Variants in TAF4 observed in about 807,000 individuals in gnomAD.
TAF4 encodes the protein TATA-box binding protein associated factor 4.
TAF4 carries 9 observed loss-of-function variants against 90.3 expected under a neutral mutation model. The ratio of observed to expected loss-of-function variants is 0.10; its 90% CI spans 0.06 to 0.17. The LOEUF is 0.17. Ranked by LOEUF, TAF4 falls within the 10% of genes least tolerant of loss-of-function variation. The probability of loss-of-function intolerance (pLI) is 1.00; values close to 1 mark genes in which losing one functional copy is unlikely to be tolerated. For missense variants in TAF4, 1,351 were observed against 1,370.7 expected, an observed-to-expected ratio of 0.99 and a Z score of 0.23; for synonymous variants, 818 against 638.9, an observed-to-expected ratio of 1.28 and a Z score of -4.23.
chr20:62,004,323 C>CTT (rs1434356168), intron 7 of TAF4, among the ~76,000 whole-genome samples: 28 of 114,046 alleles, frequency 2.5e-4, no homozygotes, highest in African/African-American at 8.1e-4. Context: ...TTTTTCTTTT[C>CTT]TTTTCTTTTT....
Position 62,003,743 on chromosome 20 carries a change from G to C in TAF4, c.2359C>G (p.Pro787Ala). 1.3e-6 allele frequency: 2 copies of C among 1,599,106 alleles called. No homozygotes were observed. Among genetic ancestry groups the C allele is most frequent in the Non-Finnish European group, 1.7e-6 (2 of 1,176,276 alleles). ...GCGAGGCCCTCACCTGGCTGCAGTG[G>C]GTTCAGCTGGATCTGCTGAGGCGTG... The part of the protein sequence containing the change: ...LTTPQQIQLN[P>A]LQPVPVVKPA... Residue 787 changes from proline (P) to alanine (A), a missense_variant, in exon 8 of 15, where the codon CCA (proline) becomes GCA (alanine). This residue lies in a region of TAF4 where 202 missense variants were observed against 229.7 expected (regional missense o/e 0.88). Coordinates refer to ENST00000252996, the MANE Select transcript of TAF4 (RefSeq NM_003185.4).
chr20:62,050,603 G>A (rs1377533569), intron 1 of TAF4, among the ~76,000 whole-genome samples: 4 of 151,854 alleles, frequency 2.6e-5, no homozygotes, highest in African/African-American at 9.7e-5. Flanking sequence ...AAAGAGAAGA[G>A]AAGGACAAGA....
At position 62,065,461 on chromosome 20, in the gene TAF4, G is replaced by A. The variant is rs2056125089; in HGVS notation, c.350C>T (p.Ala117Val). Residue 117 changes from alanine to valine, a missense_variant, in exon 1 of 15, where the codon GCA (alanine) becomes GTA (valine). Transcript: ENST00000252996. ...PPSPRRPLVP[A>V]GPAPPAAKLR... ...CTTCGCGGCGGGCGGCGCGGGCCCT[G>A]CGGGGACAAGGGGGCGGCGCGGTGA... 2.0e-6 allele frequency: 2 copies of A among 976,526 alleles called. No homozygotes were observed. The highest frequency in any genetic ancestry group is 1.8e-5 in the African/African-American group (1 of 56,200). 60.5% of individuals were successfully genotyped at this position (976,526 alleles called of 1,614,324 possible). A position where few individuals can be genotyped will look rare whatever the true frequency, so the allele number is the denominator to read the frequency against.
At chr20:61,991,974 A>T (rs1175312206) in intron 14 of TAF4, among the ~76,000 whole-genome samples, 1 of 152,216 alleles carries the variant, frequency 6.6e-6, no homozygotes, top group Non-Finnish European at 1.5e-5. Context: ...CCAGAGTAAC[A>T]TCCTTAAGAC....
At chr20:62,033,737 CAAA>C (rs760557566) in intron 1 of TAF4, among the ~76,000 whole-genome samples, 19 of 64,582 alleles carry the variant, frequency 2.9e-4, no homozygotes, top group African/African-American at 8.4e-4. Context: ...GACTCCGTCT[CAAA>C]AAAAAAAAAA....
chr20:62,029,751 C>G (rs1369321626), intron 1 of TAF4, among the ~76,000 whole-genome samples: 2 of 152,064 alleles, frequency 1.3e-5, no homozygotes, highest in Admixed American at 6.5e-5. Flanking sequence ...ACTAAACATA[C>G]AAAAATTAGC....
rs964918555 is a variant in TAF4, at chr20:62,008,421, G to A, written c.1884+631C>T. 1.7e-4 allele frequency among the ~76,000 whole-genome samples: 26 copies of A among 152,110 alleles called. 1 individual carries two copies. Among genetic ancestry groups the A allele is most frequent in the South Asian group, 2.1e-4 (1 of 4,820 alleles). Reference sequence around the variant, plus strand: ...GAGGAAGGTGGACAGCCGAGAGCTCGGCCATGAGTGGAGATCTGGAGCTTG... The same window carrying A: ...GAGGAAGGTGGACAGCCGAGAGCTCAGCCATGAGTGGAGATCTGGAGCTTG... On this transcript the variant is annotated intron_variant, in intron 5 of 14. Transcript: ENST00000252996.
intron 3 of TAF4, among the ~76,000 whole-genome samples, chr20:62,011,705 G>A (rs1255314344): frequency 2.6e-5 from 4 of 152,162 alleles, no homozygotes; most frequent in Admixed American, 2.6e-4. Flanking sequence ...CTGGGGCTCA[G>A]CCTCCATTTC....
intron 14 of TAF4, among the ~76,000 whole-genome samples, chr20:61,990,836 C>T (rs184346871): frequency 1.8e-4 from 28 of 152,328 alleles, no homozygotes; most frequent in African/African-American, 5.8e-4. Context: ...CTTAACATCA[C>T]GGGAAAGTAA....
At chr20:61,982,317 AT>A (rs1445140583) in intron 14 of TAF4, among the ~76,000 whole-genome samples, 2 of 2,784 alleles carry the variant, frequency 7.2e-4, no homozygotes, top group Non-Finnish European at 1.6e-3. Context: ...CCCACACCCC[AT>A]CCGAGGAAAC....
At chr20:62,049,661 C>G (rs1382167376) in intron 1 of TAF4, among the ~76,000 whole-genome samples, 1 of 54,864 alleles carries the variant, frequency 1.8e-5, no homozygotes, top group Non-Finnish European at 4.3e-5. Context: ...GCCCCTCATC[C>G]ACCGTGCACC....
At position 61,991,778 on chromosome 20, in the gene TAF4, C is replaced by T. The variant is rs564367098; in HGVS notation, c.3090+5772G>A. On this transcript the variant is annotated intron_variant, in intron 14 of 14. Transcript: ENST00000252996. ...CAGATGTTCCTAAGGAGACTTGAAC[C>T]GCACTGAAAGAACACAGCCAGTACT... 4.1e-4 allele frequency among the ~76,000 whole-genome samples: 62 copies of T among 151,902 alleles called. 3 individuals are homozygous for T. Among genetic ancestry groups the T allele is most frequent in the South Asian group, 2.1e-4 (1 of 4,792 alleles).
At chr20:62,049,998 G>A (rs2056017352) in intron 1 of TAF4, among the ~76,000 whole-genome samples, 1 of 152,146 alleles carries the variant, frequency 6.6e-6, no homozygotes, top group Admixed American at 6.5e-5. Context: ...TGTCCCCAAG[G>A]CAGGGAGTCA....
chr20:62,035,323 A>C (rs2055926409), intron 1 of TAF4, among the ~76,000 whole-genome samples: 1 of 152,234 alleles, frequency 6.6e-6, no homozygotes, highest in Non-Finnish European at 1.5e-5. Context: ...TATGGAGCTA[A>C]ATTATTTAAG....
At chr20:62,048,812 G>A (rs558023643) in intron 1 of TAF4, among the ~76,000 whole-genome samples, 38 of 121,578 alleles carry the variant, frequency 3.1e-4, no homozygotes, top group Non-Finnish European at 4.9e-4. Context: ...ACCAAGCTCC[G>A]TACACCCCAA....
chr20:62,037,404 T>G (rs2055938295), intron 1 of TAF4: 1 of 152,402 alleles, frequency 6.6e-6, no homozygotes, highest in Non-Finnish European at 1.5e-5. Flanking sequence ...TTTTTTATTT[T>G]AATTGCATTT....
At chr20:61,987,880 G>C (rs2055603451) in intron 14 of TAF4, among the ~76,000 whole-genome samples, 1 of 152,222 alleles carries the variant, frequency 6.6e-6, no homozygotes, top group African/African-American at 2.4e-5. Flanking sequence ...CACTGGAATA[G>C]TGCTCAGTGC....
intron 14 of TAF4, among the ~76,000 whole-genome samples, chr20:61,976,899 C>T (rs1490088095): frequency 2.6e-5 from 4 of 152,178 alleles, no homozygotes; most frequent in Non-Finnish European, 5.9e-5. Context: ...CTCCGTCAGC[C>T]CCTACAGGTG....
intron 1 of TAF4, among the ~76,000 whole-genome samples, chr20:62,021,788 AC>A (rs920966831): frequency 2.0e-5 from 3 of 151,444 alleles, no homozygotes; most frequent in Admixed American, 2.0e-4. Flanking sequence ...AAAGTTCTAT[AC>A]TTTTTTTTTT....
Sources: gnomAD v4.1 joint callset for allele counts (sites outside exome capture counted in the v4.1 genomes callset) on GRCh38, gnomAD v4.1.1 for gene constraint, gnomAD v4.1.1 regional missense constraint, MANE v1.5 for transcripts, NCBI Gene and HGNC (gene_info 2026-07-23, HGNC 2026-07-21) for gene names.